The following PER2 variants were observed in gnomAD, a reference collection of about 807,000 sequenced individuals.
The protein encoded by PER2 is period circadian protein homolog 2.
Under a neutral mutation model 121.0 loss-of-function variants are expected in PER2, and 66 were observed. The ratio of observed to expected loss-of-function variants is 0.55; its 90% CI spans 0.45 to 0.67. The LOEUF is 0.67. Among genes scored for constraint, PER2 ranks in the 30% least tolerant of loss-of-function variants. The pLI is 0.00. For synonymous variants in PER2, 684 were observed against 659.9 expected (o/e 1.04, Z -0.56); for missense variants, 1,521 against 1,635.0 (o/e 0.93, Z 1.20).
At position 238,268,694 on chromosome 2, in the gene PER2, G is replaced by C. The variant is rs1463698058; in HGVS notation, c.824+229C>G. On this transcript the variant is annotated intron_variant, in intron 7 of 22. Coordinates refer to ENST00000254657, the MANE Select transcript of PER2 (RefSeq NM_022817.3). The surrounding 1 kb of genome is among the most constrained non-coding windows in gnomAD (Gnocchi z 4.0). ...TACAGGCCTTTGCAAGACACAGAGA[G>C]AAAGTGCAGGTCCATGAGGGGCAGG... 6.6e-6 allele frequency among the ~76,000 whole-genome samples: 1 copy of C among 152,220 alleles called. No homozygotes were observed. Among genetic ancestry groups the C allele is most frequent in the Non-Finnish European group, 1.5e-5 (1 of 68,040 alleles).
intron 17 of PER2, 94 bp downstream of exon 17, chr2:238,256,828 T>C (rs1695775970): frequency 2.3e-6 from 3 of 1,285,154 alleles, no homozygotes; most frequent in Non-Finnish European, 3.3e-6. Context: ...TATGGTGGAG[T>C]TCTTCTGCAC....
intron 5 of PER2, 85 bp from the exon 6 acceptor site, chr2:238,271,598 C>G (rs1574854583): frequency 9.6e-7 from 1 of 1,044,882 alleles, no homozygotes; most frequent in East Asian, 2.4e-5. Flanking sequence ...CTGGAGGGAG[C>G]CGCCCACCAG....
intron 3 of PER2, among the ~76,000 whole-genome samples, chr2:238,276,621 A>G (rs1247205896): frequency 6.6e-6 from 1 of 152,204 alleles, no homozygotes; most frequent in Non-Finnish European, 1.5e-5. Context: ...GGGTCTTCAA[A>G]CATTAATTGA....
At chr2:238,251,797 G>GCT in intron 19 of PER2, 36 bp from the exon 20 acceptor site, 1 of 1,190,536 alleles carries the variant, frequency 8.4e-7, no homozygotes, top group Non-Finnish European at 1.2e-6. Flanking sequence ...CTGTTCAGGG[G>GCT]CTCAGTCAGG....
chr2:238,272,209 G>A (rs1326856035), intron 5 of PER2, among the ~76,000 whole-genome samples: 1 of 152,218 alleles, frequency 6.6e-6, no homozygotes, highest in Non-Finnish European at 1.5e-5. Context: ...ATGGCTGGAA[G>A]AAACCCCAGC....
chr2:238,263,958 T>G (rs1483392715), intron 9 of PER2, among the ~76,000 whole-genome samples: 82 of 106,982 alleles, frequency 7.7e-4, no homozygotes, highest in African/African-American at 1.2e-3. Flanking sequence ...AGGAGAGGAG[T>G]GGGGGAACAG....
At chr2:238,281,787 A>AT (rs1696639611) in intron 1 of PER2, among the ~76,000 whole-genome samples, 1 of 152,160 alleles carries the variant, frequency 6.6e-6, no homozygotes, top group Non-Finnish European at 1.5e-5. Flanking sequence ...GTAATAGGGT[A>AT]TTTCTGGAGA....
intron 1 of PER2, among the ~76,000 whole-genome samples, chr2:238,283,777 C>T (rs1044630502): frequency 6.6e-6 from 1 of 152,162 alleles, no homozygotes; most frequent in Non-Finnish European, 1.5e-5. Context: ...GCCAAGGGGC[C>T]GCCCAGGGTA....
In PER2 at chr2:238,253,227, C is replaced by T. The variant is rs1359097590; in HGVS notation, c.2796G>A (p.Pro932=). The T allele has an allele frequency of 7.5e-6, 12 of 1,599,366 alleles. No homozygotes were observed. The highest frequency in any genetic ancestry group is 1.1e-5 in the South Asian group (1 of 88,890). The change falls in exon 19 of 23, where the codon CCG becomes CCA. Residue 932 remains proline, a synonymous_variant. Transcript: ENST00000254657. The surrounding 1 kb of genome is among the most constrained non-coding windows in gnomAD (Gnocchi z 5.6). ...TCTCGGATGTGAGTGTGGGGTGGCT[C>T]GGAAACTGAGGCTGGCTGGGGAAGA... ...QAFFPSQPQF[P]SHPTLTSEMA...
chr2:238,249,187 C>G lies in PER2; in HGVS notation c.3493G>C (p.Asp1165His). 6.2e-7 allele frequency: 1 copy of G among 1,614,096 alleles called. No individual in the cohort carries two copies. Reference protein sequence around the residue: ...SRNLEAVLKEDREKLKLLQKL... With the variant: ...SRNLEAVLKEHREKLKLLQKL... Reference sequence around the variant, plus strand: ...TGTAGGAGCTTCAGCTTCTCTCTGTCCTCCTTCAAAACCGCTTCTAAATTT... The same window carrying G: ...TGTAGGAGCTTCAGCTTCTCTCTGTGCTCCTTCAAAACCGCTTCTAAATTT... Residue 1165 changes from aspartate (D) to histidine (H), a missense_variant, in exon 22 of 23, where the codon GAC (aspartate) becomes CAC (histidine). By Grantham distance (81) the Asp-to-His change is moderately conservative. Coordinates refer to ENST00000254657, the MANE Select transcript of PER2 (RefSeq NM_022817.3).
intron 1 of PER2, among the ~76,000 whole-genome samples, chr2:238,285,104 A>G (rs1696744017): frequency 6.6e-6 from 1 of 152,258 alleles, no homozygotes. Context: ...GGGGCTGCCA[A>G]AAGCCAACAT....
intron 5 of PER2, among the ~76,000 whole-genome samples, chr2:238,272,230 C>T (rs1696312277): frequency 6.6e-6 from 1 of 152,218 alleles, no homozygotes; most frequent in Non-Finnish European, 1.5e-5. Flanking sequence ...TGTCTCCACC[C>T]CCTGGGAGGC....
At chr2:238,263,320 A>G (rs1695993934) in intron 9 of PER2, among the ~76,000 whole-genome samples, 1 of 152,204 alleles carries the variant, frequency 6.6e-6, no homozygotes. Context: ...CTCCCAAGAG[A>G]TAAGTCATGA....
Position 238,267,645 on chromosome 2 carries a change from G to A in PER2, c.967+411C>T, listed in dbSNP as rs1696150529. On this transcript the variant is annotated intron_variant, in intron 8 of 22. Transcript: ENST00000254657. ...GACTGAGGAACTGTTTGGGGTTCTGGAGCAGGCAGCGACATCAGTGCCCTT... is the reference window on the plus strand; with the variant it reads ...GACTGAGGAACTGTTTGGGGTTCTGAAGCAGGCAGCGACATCAGTGCCCTT... Among the ~76,000 whole-genome samples, 6 of 152,182 alleles carry A rather than the reference G, an allele frequency of 3.9e-5. No individual in the cohort carries two copies. The South Asian group carries it at 1.2e-3, about 31-fold the overall frequency.
chr2:238,253,663 G>A lies in PER2; in HGVS notation c.2360C>T (p.Pro787Leu). 1 of 1,608,970 alleles carries A rather than the reference G, an allele frequency of 6.2e-7. No individual in the cohort carries two copies. Among genetic ancestry groups the A allele is most frequent in the East Asian group, 2.2e-5 (1 of 44,826 alleles). The change falls in exon 19 of 23, where the codon CCT becomes CTT. Residue 787 changes from proline to leucine, a missense_variant. Coordinates refer to ENST00000254657, the MANE Select transcript of PER2 (RefSeq NM_022817.3). This position sits in a 1 kb window ranked among gnomAD's most constrained non-coding sequence, Gnocchi z 5.6. ...TCTGTTCTTTCCTGTTTTTTTCCAA[G>A]GTGAATCTATTCCGGAAGTATTTCT... is the stretch of plus-strand genomic sequence containing the variant. ...GLRNTSGIDS[P>L]WKKTGKNRKL...
At position 238,261,722 on chromosome 2, in the gene PER2, C is replaced by A. The variant is rs1344608543; in HGVS notation, c.1416+7G>T. 2.6e-5 allele frequency: 40 copies of A among 1,527,962 alleles called. No homozygotes were observed. 94.7% of individuals were successfully genotyped at this position (1,527,962 alleles called of 1,614,324 possible). ...CTGGGAGGAGGACATGCAGGCACCACACCCACCTGCAGCAGGAGCCGGTGG... is the reference window on the plus strand; with the variant it reads ...CTGGGAGGAGGACATGCAGGCACCAAACCCACCTGCAGCAGGAGCCGGTGG... On this transcript the variant is annotated splice_region_variant and intron_variant, in intron 12 of 22. Coordinates refer to ENST00000254657, the MANE Select transcript of PER2 (RefSeq NM_022817.3).
At chr2:238,266,136 C>G (rs1696098603) in intron 8 of PER2, among the ~76,000 whole-genome samples, 1 of 152,150 alleles carries the variant, frequency 6.6e-6, no homozygotes, top group South Asian at 2.1e-4. Context: ...ATCTCCTGAC[C>G]TCGTGATCCG....
chr2:238,248,350 G>C (rs912593232), intron 22 of PER2, among the ~76,000 whole-genome samples: 2 of 152,142 alleles, frequency 1.3e-5, no homozygotes, highest in Non-Finnish European at 2.9e-5. Flanking sequence ...CAGAGAGCAG[G>C]AGAGAGGGGC....
rs187719741 is a variant in PER2 at position 238,249,408 on chromosome 2, C to G, written c.3468-196G>C. 9.5e-4 allele frequency among the ~76,000 whole-genome samples: 144 copies of G among 152,272 alleles called. 1 individual carries two copies. Among genetic ancestry groups the G allele is most frequent in the African/African-American group, 3.3e-3 (139 of 41,540 alleles). ...TTTCTATGAAAATGATGATTCTGGTCAAGATTTAATTTTTCTGTATTTTAC... is the reference window on the plus strand; with the variant it reads ...TTTCTATGAAAATGATGATTCTGGTGAAGATTTAATTTTTCTGTATTTTAC... On this transcript the variant is annotated intron_variant, in intron 21 of 22. Coordinates refer to ENST00000254657, the MANE Select transcript of PER2 (RefSeq NM_022817.3).
Sources: allele counts gnomAD v4.1 joint callset (sites outside exome capture counted in the v4.1 genomes callset), GRCh38; gene constraint gnomAD v4.1.1; non-coding constraint Gnocchi (gnomAD v3.1); transcripts MANE v1.5; gene names NCBI Gene and HGNC (gene_info 2026-07-23, HGNC 2026-07-21).